The following INVS variants were observed in gnomAD, a reference collection of about 807,000 sequenced individuals.
INVS encodes inversion of embryo turning homolog.
A neutral mutation model predicts 108.8 loss-of-function variants in INVS; 86 were observed. The observed-to-expected ratio is 0.79, with a 90% CI of 0.66 to 0.95. INVS has a LOEUF of 0.95. Ranked by LOEUF, INVS falls within the 40% of genes least tolerant of loss-of-function variation. The probability of loss-of-function intolerance (pLI) is 0.00; values close to 1 mark genes in which losing one functional copy is unlikely to be tolerated. For missense variants in INVS, 1,169 were observed against 1,297.4 expected, an observed-to-expected ratio of 0.90 and a Z score of 1.52; for synonymous variants, 455 against 473.5, an observed-to-expected ratio of 0.96 and a Z score of 0.51.
chr9:100,270,378 A>G (rs1832913797), intron 11 of INVS, among the ~76,000 whole-genome samples: 1 of 152,146 alleles, frequency 6.6e-6, no homozygotes, highest in African/African-American at 2.4e-5. Flanking sequence ...TGGTAGGCCA[A>G]GGCAGAAGGA....
Position 100,292,663 on chromosome 9 carries a change from G to A in INVS, c.2406G>A (p.Arg802=). ...KRRTQELRGG[R]CSPAGSSRPG... is the part of the protein sequence containing the mutation. Reference sequence around the variant, plus strand: ...GCACTCAAGAGCTCAGAGGAGGAAGGTGCTCTCCGGCTGGTTCTAGCCGCC... The same window carrying A: ...GCACTCAAGAGCTCAGAGGAGGAAGATGCTCTCCGGCTGGTTCTAGCCGCC... The change falls in exon 14 of 17, where the codon AGG becomes AGA. Residue 802 remains arginine, a synonymous_variant. Transcript: ENST00000262457. 2 of 1,613,706 alleles carry A rather than the reference G, an allele frequency of 1.2e-6. No homozygotes were observed. Among genetic ancestry groups the A allele is most frequent in the South Asian group, 1.1e-5 (1 of 91,078 alleles).
chr9:100,235,421 G>T (rs1017180292), intron 5 of INVS, among the ~76,000 whole-genome samples: 21 of 152,072 alleles, frequency 1.4e-4, no homozygotes, highest in Admixed American at 3.9e-4. Flanking sequence ...GATGCTAGCT[G>T]GTTATTTTGT....
intron 6 of INVS, among the ~76,000 whole-genome samples, 161 bp from the exon 7 acceptor site, chr9:100,242,409 T>C (rs1196947271): frequency 6.6e-6 from 1 of 152,200 alleles, no homozygotes; most frequent in African/African-American, 2.4e-5. Flanking sequence ...ATTAATATGT[T>C]AGTGAGAAGT....
chr9:100,149,388 A>G (rs191378661), intron 3 of INVS, among the ~76,000 whole-genome samples: 5 of 152,300 alleles, frequency 3.3e-5, no homozygotes, highest in Admixed American at 1.3e-4. Context: ...CTGGATTGAG[A>G]TGGTGATGTT....
intron 5 of INVS, among the ~76,000 whole-genome samples, chr9:100,237,465 T>A (rs1462910349): frequency 1.3e-5 from 2 of 152,138 alleles, no homozygotes; most frequent in Non-Finnish European, 2.9e-5. Context: ...GTTTTGCGCT[T>A]GAAACCTAGG....
intron 14 of INVS, 24 bp downstream of exon 14, chr9:100,293,067 A>G: frequency 6.3e-7 from 1 of 1,583,042 alleles, no homozygotes; most frequent in South Asian, 1.1e-5. Context: ...GTGCTGCCGC[A>G]TCTGTGGTTC....
chr9:100,171,355 C>T (rs1384642246), intron 3 of INVS, among the ~76,000 whole-genome samples: 1 of 152,014 alleles, frequency 6.6e-6, no homozygotes, highest in Non-Finnish European at 1.5e-5. Flanking sequence ...CTAGGAGCAT[C>T]AGGTTATACC....
chr9:100,265,033 C>T, intron 11 of INVS, 105 bp downstream of exon 11: 1 of 759,176 alleles, frequency 1.3e-6, no homozygotes, highest in South Asian at 1.4e-5. Context: ...ACCTTCGCCT[C>T]CTGGGTTCAA....
Position 100,141,828 on chromosome 9 carries a change from C to T in INVS, c.273+15279C>T, listed in dbSNP as rs183812642. On this transcript the variant is annotated intron_variant, in intron 3 of 16. Transcript: ENST00000262457. ...GAAATGAGAGGTTCTAAGAGACGGG[C>T]TAGCGGCTTGTAACCTACATGGAAG... Among the ~76,000 whole-genome samples the T allele has an allele frequency of 2.6e-5, 4 of 152,288 alleles. No individual in the cohort carries two copies. The East Asian group carries it at 7.7e-4, about 29-fold the overall frequency.
At chr9:100,259,519 C>T (rs1232074006) in intron 10 of INVS, among the ~76,000 whole-genome samples, 1 of 151,022 alleles carries the variant, frequency 6.6e-6, no homozygotes, top group Non-Finnish European at 1.5e-5. Flanking sequence ...GAGCTGTAGA[C>T]TGGAGCTGTT....
At chr9:100,144,298 C>T (rs1209298682) in intron 3 of INVS, among the ~76,000 whole-genome samples, 1 of 152,264 alleles carries the variant, frequency 6.6e-6, no homozygotes, top group Non-Finnish European at 1.5e-5. Flanking sequence ...TATTATTGTA[C>T]ACCTTGAAGG....
chr9:100,107,686 C>T (rs1827222440), intron 2 of INVS, among the ~76,000 whole-genome samples: 2 of 152,202 alleles, frequency 1.3e-5, no homozygotes, highest in African/African-American at 4.8e-5. Context: ...TCAATGAAAT[C>T]TGTTCATTGT....
At chr9:100,175,597 G>A in intron 3 of INVS, 1 of 694,736 alleles carries the variant, frequency 1.4e-6, no homozygotes, top group African/African-American at 1.8e-5. Flanking sequence ...TATAAGAGGT[G>A]GCAGAAAAAC....
chr9:100,299,174 C>G (rs1404746629), intron 16 of INVS, among the ~76,000 whole-genome samples: 1 of 152,112 alleles, frequency 6.6e-6, no homozygotes, highest in Non-Finnish European at 1.5e-5. Context: ...TATGAACAAG[C>G]AACTTACTTG....
In INVS at chr9:100,144,730, T is replaced by C. The variant is rs776118290; in HGVS notation, c.273+18181T>C. Among the ~76,000 whole-genome samples the C allele has an allele frequency of 3.3e-5, 5 of 151,732 alleles. No individual in the cohort carries two copies. In the South Asian group the frequency reaches 8.3e-4, roughly 25 times the overall value. ...TGGAGGAGCTGAGGCTGAGGAAGAA[T>C]TGGGACTTAGCTCGGCCTGGCGACA... On this transcript the variant is annotated intron_variant, in intron 3 of 16. Coordinates refer to ENST00000262457, the MANE Select transcript of INVS (RefSeq NM_014425.5).
At chr9:100,253,684 G>A (rs530359400) in intron 10 of INVS, among the ~76,000 whole-genome samples, 7 of 152,168 alleles carry the variant, frequency 4.6e-5, no homozygotes, top group African/African-American at 7.2e-5. Context: ...CTGTCCTTGC[G>A]ATAGTTTGCT....
At chr9:100,289,823 A>G (rs1217372466) in intron 13 of INVS, among the ~76,000 whole-genome samples, 2 of 152,234 alleles carry the variant, frequency 1.3e-5, no homozygotes, top group Non-Finnish European at 2.9e-5. Context: ...TAAAGCTACT[A>G]TAACATCCCT....
chr9:100,239,068 T>A (rs1831782713), intron 5 of INVS, among the ~76,000 whole-genome samples: 1 of 152,154 alleles, frequency 6.6e-6, no homozygotes, highest in Non-Finnish European at 1.5e-5. Flanking sequence ...GGTAAGACCA[T>A]TTGGAGAGTG....
chr9:100,281,285 C>A (rs1326970992), intron 12 of INVS, among the ~76,000 whole-genome samples: 1 of 152,148 alleles, frequency 6.6e-6, no homozygotes, highest in Admixed American at 6.5e-5. Flanking sequence ...TCTTATCTAC[C>A]AAATGAGGGT....
Sources: allele counts gnomAD v4.1 joint callset (sites outside exome capture counted in the v4.1 genomes callset), GRCh38; gene constraint gnomAD v4.1.1; transcripts MANE v1.5; gene names NCBI Gene and HGNC (gene_info 2026-07-23, HGNC 2026-07-21).